Variants in NSRP1 observed in about 807,000 individuals in gnomAD.
The protein encoded by NSRP1 is nuclear speckle splicing regulatory protein 1.
NSRP1 carries 24 observed loss-of-function variants against 54.7 expected under a neutral mutation model. That is an observed-to-expected ratio of 0.44 (90% confidence interval 0.32 to 0.62). The LOEUF is 0.62. NSRP1 is among the 20% of genes least tolerant of loss of function. The pLI, the probability that NSRP1 is intolerant of heterozygous loss-of-function variation, is 0.06. For synonymous variants in NSRP1, 210 were observed against 213.8 expected (o/e 0.98, Z 0.15); for missense variants, 596 against 651.2 (o/e 0.92, Z 0.92).
chr17:30,149,435 T>C (rs1038270667), intron 2 of NSRP1, among the ~76,000 whole-genome samples: 2 of 152,240 alleles, frequency 1.3e-5, no homozygotes, highest in Non-Finnish European at 2.9e-5. Context: ...ATCTATTTGT[T>C]ATCATAGAGG....
intron 2 of NSRP1, among the ~76,000 whole-genome samples, chr17:30,120,871 G>A (rs1287266798): frequency 6.6e-6 from 1 of 152,190 alleles, no homozygotes; most frequent in Non-Finnish European, 1.5e-5. Context: ...TTTAACAGTA[G>A]CGTTACAGAA....
intron 2 of NSRP1, among the ~76,000 whole-genome samples, chr17:30,135,113 ATTTC>A (rs1205843433): frequency 1.3e-5 from 2 of 151,348 alleles, no homozygotes; most frequent in Middle Eastern, 3.2e-3. Flanking sequence ...TAATTGTTTT[ATTTC>A]TTTCTTTCTT....
chr17:30,161,649 G>A (rs1402678692), intron 2 of NSRP1, among the ~76,000 whole-genome samples: 1 of 152,208 alleles, frequency 6.6e-6, no homozygotes, highest in East Asian at 1.9e-4. Context: ...CTGTGTATGG[G>A]ATTTGAGTCA....
At position 30,184,654 on chromosome 17, in the gene NSRP1, T is replaced by C. The variant is rs1179524322; in HGVS notation, c.657T>C (p.Asn219=). Residue 219 remains asparagine, a synonymous_variant, in exon 7 of 7, where the codon AAT becomes AAC. Transcript: ENST00000247026. ...AAGAAAAATCAAGGGGCTTCTCCAA[T>C]GAAGTAAGTTCAAAAAACAGAATAC... ...IKEEKSRGFS[N]EVSSKNRIPQ... The C allele has an allele frequency of 6.3e-7, 1 of 1,587,934 alleles. No individual in the cohort carries two copies. Among genetic ancestry groups the C allele is most frequent in the African/African-American group, 1.4e-5 (1 of 73,666 alleles).
intron 2 of NSRP1, among the ~76,000 whole-genome samples, chr17:30,132,872 G>T (rs1597597667): frequency 6.6e-6 from 1 of 152,200 alleles, no homozygotes. Flanking sequence ...TCTTCCAGAA[G>T]GTTTTCAGTT....
At chr17:30,171,976 C>CCCCTCTCTCT (rs1904959777) in intron 2 of NSRP1, among the ~76,000 whole-genome samples, 1 of 80,348 alleles carries the variant, frequency 1.2e-5, no homozygotes, top group South Asian at 5.4e-4. Context: ...ACACACACTC[C>CCCCTCTCTCT]CTCTCTCTCT....
At chr17:30,176,284 C>G (rs1031220099) in intron 3 of NSRP1, among the ~76,000 whole-genome samples, 1 of 152,106 alleles carries the variant, frequency 6.6e-6, no homozygotes, top group Admixed American at 6.5e-5. Context: ...CTACAGCTCT[C>G]CTCCCAACAT....
At chr17:30,163,810 G>A (rs1387173055) in intron 2 of NSRP1, among the ~76,000 whole-genome samples, 2 of 151,246 alleles carry the variant, frequency 1.3e-5, no homozygotes, top group African/African-American at 4.9e-5. Flanking sequence ...GCCTCCCCGA[G>A]TAGCTGGGAC....
At chr17:30,143,281 T>C (rs1265967059) in intron 2 of NSRP1, among the ~76,000 whole-genome samples, 2 of 152,232 alleles carry the variant, frequency 1.3e-5, no homozygotes, top group African/African-American at 4.8e-5. Flanking sequence ...GAAACAAAAT[T>C]ACTTTATTAG....
intron 2 of NSRP1, among the ~76,000 whole-genome samples, chr17:30,131,785 A>G (rs1221917760): frequency 1.3e-5 from 2 of 152,166 alleles, no homozygotes; most frequent in Non-Finnish European, 2.9e-5. Context: ...TTTCTCGGTA[A>G]CATGTGATGC....
At chr17:30,168,631 T>A (rs188066569) in intron 2 of NSRP1, among the ~76,000 whole-genome samples, 60 of 149,700 alleles carry the variant, frequency 4.0e-4, no homozygotes, top group Middle Eastern at 3.5e-3. Context: ...AATAAGTATC[T>A]GCTCTTTTAT....
chr17:30,125,181 C>T (rs2071638970), intron 2 of NSRP1, among the ~76,000 whole-genome samples: 1 of 151,854 alleles, frequency 6.6e-6, no homozygotes, highest in South Asian at 2.1e-4. Flanking sequence ...GGTGACAGAA[C>T]GAGACTCCGT....
intron 2 of NSRP1, among the ~76,000 whole-genome samples, chr17:30,139,259 T>C (rs929050595): frequency 6.6e-6 from 1 of 151,964 alleles, no homozygotes; most frequent in African/African-American, 2.4e-5. Context: ...TTTTGTTGAG[T>C]TGTAGGAGTT....
At chr17:30,158,737 G>A (rs930338842) in intron 2 of NSRP1, among the ~76,000 whole-genome samples, 3 of 152,040 alleles carry the variant, frequency 2.0e-5, no homozygotes, top group African/African-American at 4.8e-5. Context: ...CCCAGTATAC[G>A]TTCTTGACAC....
chr17:30,155,190 A>G (rs193030594), intron 2 of NSRP1, among the ~76,000 whole-genome samples: 1 of 152,178 alleles, frequency 6.6e-6, no homozygotes, highest in Admixed American at 6.5e-5. Flanking sequence ...TGTGGTGCAT[A>G]ATATGGATTA....
rs139152925 is a variant in NSRP1, at chr17:30,184,840, G to A, written c.843G>A (p.Lys281=). The A allele has an allele frequency of 1.2e-4, 186 of 1,614,062 alleles. No homozygotes were observed. In the African/African-American group the frequency reaches 2.0e-3, roughly 17 times the overall value. The change falls in exon 7 of 7, where the codon AAG becomes AAA. Residue 281 remains lysine (K), a synonymous_variant. Transcript: ENST00000247026. ...TAGAGACCCCTGAGAATGACTTCAA[G>A]CACCACAGGAGTCAAAACCACTCTC... The part of the protein sequence containing the change: ...KVIETPENDF[K]HHRSQNHSRS...
chr17:30,138,909 G>GTC, intron 2 of NSRP1, among the ~76,000 whole-genome samples: 1 of 58,188 alleles, frequency 1.7e-5, no homozygotes, highest in East Asian at 8.4e-4. Flanking sequence ...AAGTCTTAGC[G>GTC]TTTTTTTTTT....
intron 1 of NSRP1, among the ~76,000 whole-genome samples, chr17:30,117,759 G>GTTTTTTTTTTTTTTTTTTTTTTTTTTTT (rs79120191): frequency 8.7e-6 from 1 of 115,114 alleles, no homozygotes; most frequent in Non-Finnish European, 1.7e-5. Flanking sequence ...CACTACACAT[G>GTTTTTTTTTTTTTTTTTTTTTTTTTTTT]TTTTTTTTTT....
intron 4 of NSRP1, 46 bp from the exon 5 acceptor site, chr17:30,179,044 A>G (rs1905215128): frequency 3.5e-6 from 4 of 1,157,578 alleles, no homozygotes; most frequent in Non-Finnish European, 4.7e-6. Context: ...AATATTAACA[A>G]TTACTATTTT....
Sources: allele counts gnomAD v4.1 joint callset (sites outside exome capture counted in the v4.1 genomes callset), GRCh38; gene constraint gnomAD v4.1.1; transcripts MANE v1.5; gene names NCBI Gene and HGNC (gene_info 2026-07-23, HGNC 2026-07-21).